The following CDH13 variants were observed in gnomAD, a reference collection of about 807,000 sequenced individuals.
CDH13 encodes the protein cadherin 13.
CDH13 carries 24 observed loss-of-function variants against 63.8 expected under a neutral mutation model. The ratio of observed to expected loss-of-function variants is 0.38; its 90% CI spans 0.27 to 0.53. The LOEUF (loss-of-function observed/expected upper bound fraction) is 0.53. Among genes scored for constraint, CDH13 ranks in the 20% least tolerant of loss-of-function variants. The pLI is 0.85. For synonymous variants in CDH13, 503 were observed against 355.3 expected, an observed-to-expected ratio of 1.42 and a Z score of -4.67; for missense variants, 1,049 against 903.1, an observed-to-expected ratio of 1.16 and a Z score of -2.07.
Position 83,562,031 on chromosome 16 carries a change from C to T in CDH13, c.961-40423C>T, listed in dbSNP as rs1303530417. Among the ~76,000 whole-genome samples the T allele has an allele frequency of 1.3e-5, 2 of 152,272 alleles. 1 individual carries two copies. Among genetic ancestry groups the T allele is most frequent in the African/African-American group, 4.8e-5 (2 of 41,546 alleles). ...AGCAGAATTCTGAGAAACCCATGTC[C>T]AGAGAATGTGGTCAGGACCTTGGAG... is the stretch of plus-strand genomic sequence containing the variant. On this transcript the variant is annotated intron_variant, in intron 7 of 13. Transcript: ENST00000567109.
At chr16:83,602,365 A>C in intron 7 of CDH13, 89 bp from the exon 8 acceptor site, 4 of 1,279,866 alleles carry the variant, frequency 3.1e-6, no homozygotes, top group Non-Finnish European at 4.6e-6. Context: ...GGAGGGGGAG[A>C]GACAGCTCCA....
chr16:82,972,799 G>A (rs539370284), intron 2 of CDH13, among the ~76,000 whole-genome samples: 2 of 152,160 alleles, frequency 1.3e-5, no homozygotes, highest in Admixed American at 6.5e-5. Context: ...GAAAGAGCTT[G>A]TCAAGCTCTT....
At chr16:82,698,013 T>C (rs991993189) in intron 1 of CDH13, among the ~76,000 whole-genome samples, 44 of 152,068 alleles carry the variant, frequency 2.9e-4, no homozygotes, top group African/African-American at 9.7e-4. Flanking sequence ...AGCGCAGTGA[T>C]TGGCACATAG....
intron 2 of CDH13, among the ~76,000 whole-genome samples, chr16:82,959,494 T>C (rs1334723842): frequency 6.6e-6 from 1 of 152,220 alleles, no homozygotes; most frequent in Non-Finnish European, 1.5e-5. Context: ...CCTCTCCCAG[T>C]TTCTAGAGGC....
intron 7 of CDH13, among the ~76,000 whole-genome samples, chr16:83,592,208 A>G (rs1278813107): frequency 6.6e-6 from 1 of 152,132 alleles, no homozygotes; most frequent in Non-Finnish European, 1.5e-5. Context: ...TGCTCAATCA[A>G]TGTCTGATGA....
At chr16:83,085,559 A>G (rs139079466) in intron 3 of CDH13, among the ~76,000 whole-genome samples, 4 of 152,206 alleles carry the variant, frequency 2.6e-5, no homozygotes, top group Admixed American at 1.3e-4. Flanking sequence ...CTAGAAGTCT[A>G]CTGTTTGTCT....
intron 2 of CDH13, among the ~76,000 whole-genome samples, chr16:82,987,928 TTCA>T (rs1911157410): frequency 6.6e-6 from 1 of 152,216 alleles, no homozygotes; most frequent in Non-Finnish European, 1.5e-5. Flanking sequence ...CTTTGAAGTG[TTCA>T]TCATGATCTG....
chr16:83,507,980 C>T (rs961862931), intron 7 of CDH13, among the ~76,000 whole-genome samples: 2 of 149,772 alleles, frequency 1.3e-5, no homozygotes, highest in Admixed American at 6.7e-5. Flanking sequence ...TGCAGTGAGC[C>T]GAGATCGCGC....
chr16:82,716,293 C>A (rs1016480057), intron 1 of CDH13, among the ~76,000 whole-genome samples: 3 of 152,060 alleles, frequency 2.0e-5, no homozygotes, highest in Admixed American at 1.3e-4. Flanking sequence ...CAGCCCATCC[C>A]GAGCCTGCTT....
At chr16:83,583,747 A>G (rs2150725964) in intron 7 of CDH13, among the ~76,000 whole-genome samples, 1 of 151,614 alleles carries the variant, frequency 6.6e-6, no homozygotes, top group East Asian at 2.0e-4. Flanking sequence ...ATCTCTACTA[A>G]AAATACTAAA....
intron 5 of CDH13, among the ~76,000 whole-genome samples, chr16:83,302,608 T>C (rs1398788501): frequency 6.6e-6 from 1 of 152,210 alleles, no homozygotes; most frequent in African/African-American, 2.4e-5. Flanking sequence ...AAACATCTGA[T>C]ATTTACCAGG....
chr16:82,737,144 T>G (rs1389958857), intron 1 of CDH13, among the ~76,000 whole-genome samples: 2 of 152,218 alleles, frequency 1.3e-5, no homozygotes, highest in Non-Finnish European at 2.9e-5. Context: ...TAGAACAATT[T>G]CATTTGTGTG....
chr16:83,306,566 G>A (rs1465843946), intron 5 of CDH13, among the ~76,000 whole-genome samples: 1 of 152,158 alleles, frequency 6.6e-6, no homozygotes, highest in African/African-American at 2.4e-5. Context: ...CTAGAAGTCA[G>A]CGCCGAATCC....
intron 1 of CDH13, among the ~76,000 whole-genome samples, chr16:82,660,444 GC>G (rs1668784766): frequency 7.2e-6 from 1 of 139,014 alleles, no homozygotes; most frequent in African/African-American, 3.2e-5. Context: ...GCCGGGGCGT[GC>G]GGGGAAACCC....
chr16:83,629,290 T>G (rs1910579340), intron 8 of CDH13, among the ~76,000 whole-genome samples: 1 of 152,208 alleles, frequency 6.6e-6, no homozygotes, highest in African/African-American at 2.4e-5. Context: ...AAAAATATAT[T>G]TTATGGTCAA....
At chr16:82,878,190 G>A (rs997242662) in intron 2 of CDH13, among the ~76,000 whole-genome samples, 1 of 151,868 alleles carries the variant, frequency 6.6e-6, no homozygotes, top group Non-Finnish European at 1.5e-5. Context: ...TCACTTAGAC[G>A]AAAAGGATCT....
Position 83,467,718 on chromosome 16 carries a change from C to T in CDH13, c.782-18759C>T, listed in dbSNP as rs564404648. ...TCGTTCCTGGCTGCAGAACACAGCC[C>T]CCAAGCAGAGATGCTGAGTCCTCAG... is the stretch of plus-strand genomic sequence containing the variant. On this transcript the variant is annotated intron_variant, in intron 6 of 13. Coordinates refer to ENST00000567109, the MANE Select transcript of CDH13 (RefSeq NM_001257.5). Among the ~76,000 whole-genome samples the T allele has an allele frequency of 5.9e-5, 9 of 152,266 alleles. No homozygotes were observed. In the South Asian group the frequency reaches 1.5e-3, roughly 25 times the overall value.
At chr16:83,320,638 C>T (rs1334730852) in intron 5 of CDH13, among the ~76,000 whole-genome samples, 2 of 152,116 alleles carry the variant, frequency 1.3e-5, no homozygotes, top group African/African-American at 4.8e-5. Flanking sequence ...TTAAAATATT[C>T]TGAAGATAAT....
intron 3 of CDH13, among the ~76,000 whole-genome samples, chr16:83,108,696 G>C (rs779545091): frequency 5.3e-5 from 8 of 152,164 alleles, no homozygotes; most frequent in Non-Finnish European, 1.0e-4. Flanking sequence ...GCAGGGTTTT[G>C]CTGGGGACCC....
Sources: gnomAD v4.1 joint callset for allele counts (sites outside exome capture counted in the v4.1 genomes callset) on GRCh38, gnomAD v4.1.1 for gene constraint, MANE v1.5 for transcripts, NCBI Gene and HGNC (gene_info 2026-07-23, HGNC 2026-07-21) for gene names.